The following OPA1 variants were observed in gnomAD, a reference collection of about 807,000 sequenced individuals.
The protein encoded by OPA1 is dynamin-like GTPase OPA1, mitochondrial.
Under a neutral mutation model 152.9 loss-of-function variants are expected in OPA1, and 59 were observed. That is an observed-to-expected ratio of 0.39 (90% CI 0.31 to 0.48). The LOEUF is 0.48. Among genes scored for constraint, OPA1 ranks in the 20% least tolerant of loss-of-function variants. OPA1 has a pLI of 0.96. For missense variants in OPA1, 1,008 were observed against 1,216.8 expected (o/e 0.83, Z 2.55); for synonymous variants, 400 against 389.9 (o/e 1.03, Z -0.31).
At chr3:193,651,196 G>T (rs1712348044) in intron 21 of OPA1, among the ~76,000 whole-genome samples, 1 of 152,148 alleles carries the variant, frequency 6.6e-6, no homozygotes. Context: ...GGTCACTGAA[G>T]AGGATTAGGT....
intron 1 of OPA1, among the ~76,000 whole-genome samples, chr3:193,606,009 A>T (rs1454502103): frequency 3.9e-5 from 6 of 152,114 alleles, no homozygotes; most frequent in Non-Finnish European, 8.8e-5. Context: ...TATTACGGGG[A>T]GCAATCCACT....
intron 28 of OPA1, 152 bp from the exon 29 acceptor site, chr3:193,667,018 T>C (rs1716714766): frequency 3.3e-6 from 2 of 604,242 alleles, no homozygotes; most frequent in Admixed American, 2.7e-5. Context: ...ATAAAACTAC[T>C]GTATAACAGA....
At chr3:193,626,700 T>A (rs992467166) in intron 7 of OPA1, among the ~76,000 whole-genome samples, 3 of 152,246 alleles carry the variant, frequency 2.0e-5, no homozygotes, top group African/African-American at 7.2e-5. Context: ...GGCAAAAGCA[T>A]GTAGTTCTTA....
chr3:193,629,361 TCTTAACA>T (rs1731707039), intron 7 of OPA1, among the ~76,000 whole-genome samples: 1 of 152,140 alleles, frequency 6.6e-6, no homozygotes, highest in Non-Finnish European at 1.5e-5. Flanking sequence ...TTTATAAACA[TCTTAACA>T]CTTGTGATCA....
intron 6 of OPA1, among the ~76,000 whole-genome samples, chr3:193,621,940 C>CT (rs1396045184): frequency 6.6e-6 from 1 of 152,204 alleles, no homozygotes; most frequent in East Asian, 1.9e-4. Flanking sequence ...AGTTCATTCC[C>CT]TTTTTTAGAT....
intron 27 of OPA1, 136 bp from the exon 28 acceptor site, chr3:193,666,160 C>T (rs1716493232): frequency 4.1e-6 from 3 of 736,554 alleles, no homozygotes; most frequent in South Asian, 1.5e-5. Flanking sequence ...CTTATATCTA[C>T]AGTATATGCA....
chr3:193,653,960 T>A (rs150419675), intron 21 of OPA1, among the ~76,000 whole-genome samples: 149 of 152,226 alleles, frequency 9.8e-4, no homozygotes, highest in African/African-American at 3.4e-3. Context: ...CTAGTGGAAA[T>A]GTAAACTGAG....
At position 193,666,345 on chromosome 3, in the gene OPA1, C is replaced by T; in HGVS notation, c.2828C>T (p.Ala943Val). 1.9e-6 allele frequency: 3 copies of T among 1,614,118 alleles called. No individual in the cohort carries two copies. Among genetic ancestry groups the T allele is most frequent in the Non-Finnish European group, 2.5e-6 (3 of 1,179,984 alleles). The change falls in exon 28 of 31, where the codon GCT becomes GTT. Residue 943 changes from alanine (A) to valine (V), a missense_variant. Ala to Val is a moderately conservative substitution (Grantham distance 64, BLOSUM62 0). Coordinates refer to ENST00000361510, the MANE Select transcript of OPA1 (RefSeq NM_130837.3). ...TTTTGGCGTATACAGCGCATGCTTG[C>T]TATCACCGCAAATACTTTAAGGCAA... ...VLFWRIQRML[A>V]ITANTLRQQL...
rs1021279658 is a variant in OPA1, at chr3:193,644,161, A to T, written c.1608+56A>T. 109 of 1,593,902 alleles carry T rather than the reference A, an allele frequency of 6.8e-5. 1 individual carries two copies. Among genetic ancestry groups the T allele is most frequent in the Non-Finnish European group, 8.2e-5 (95 of 1,163,590 alleles). ...ATTCTTTGTAAAAGCTCCAGCTGTG[A>T]TAGGGATTTGTTATTTAAAAAAACA... On this transcript the variant is annotated intron_variant, in intron 16 of 30. Coordinates refer to ENST00000361510, the MANE Select transcript of OPA1 (RefSeq NM_130837.3).
intron 29 of OPA1, among the ~76,000 whole-genome samples, chr3:193,689,637 T>G (rs1415416899): frequency 3.3e-5 from 5 of 152,172 alleles, no homozygotes; most frequent in African/African-American, 1.2e-4. Context: ...TAGTCTCTTG[T>G]AGGGAGTGAG....
intron 8 of OPA1, 67 bp from the exon 9 acceptor site, chr3:193,635,351 T>C (rs1732768441): frequency 3.1e-6 from 3 of 952,972 alleles, no homozygotes; most frequent in Non-Finnish European, 5.1e-6. Flanking sequence ...AAGATTTTAA[T>C]TTAGACTTAA....
At chr3:193,659,899 C>G (rs1714813675) in intron 25 of OPA1, among the ~76,000 whole-genome samples, 1 of 151,878 alleles carries the variant, frequency 6.6e-6, no homozygotes, top group Non-Finnish European at 1.5e-5. Context: ...TAATCACAAC[C>G]CTTTGGGAGG....
At chr3:193,633,061 A>G (rs1732351476) in intron 8 of OPA1, among the ~76,000 whole-genome samples, 1 of 151,656 alleles carries the variant, frequency 6.6e-6, no homozygotes, top group Non-Finnish European at 1.5e-5. Context: ...TTGAGTCTCA[A>G]ACCTCACTAT....
Position 193,643,327 on chromosome 3 carries a change from T to C in OPA1, c.1306-46T>C, listed in dbSNP as rs762357436. On this transcript the variant is annotated intron_variant, in intron 13 of 30. Transcript: ENST00000361510. Reference sequence around the variant, plus strand: ...TCACCAAAAAAAATTCTTGACAAATTCCCCCCAAACTTTAGCATTGTTTTA... The same window carrying C: ...TCACCAAAAAAAATTCTTGACAAATCCCCCCCAAACTTTAGCATTGTTTTA... 6.8e-6 allele frequency: 10 copies of C among 1,477,882 alleles called. No homozygotes were observed. The East Asian group carries it at 2.3e-4, about 33-fold the overall frequency. 91.5% of individuals were successfully genotyped at this position (1,477,882 alleles called of 1,614,324 possible).
chr3:193,615,496 G>A (rs926582121), intron 2 of OPA1, among the ~76,000 whole-genome samples, 178 bp from the exon 3 acceptor site: 4 of 152,222 alleles, frequency 2.6e-5, no homozygotes, highest in African/African-American at 9.6e-5. Flanking sequence ...ATATTTAACA[G>A]AGGAGTGTTA....
intron 29 of OPA1, among the ~76,000 whole-genome samples, chr3:193,684,900 G>A (rs996452753): frequency 6.6e-6 from 1 of 152,054 alleles, no homozygotes; most frequent in African/African-American, 2.4e-5. Context: ...AGCCTTTTGG[G>A]GAATAGGCCT....
chr3:193,655,013 A>G lies in OPA1; in HGVS notation c.2164A>G (p.Asn722Asp), dbSNP rs778601778. The change falls in exon 22 of 31, where the codon AAT becomes GAT. Residue 722 changes from asparagine (N) to aspartate (D), a missense_variant. This residue lies in a region of OPA1 where 229 missense variants were observed against 269.0 expected (regional missense o/e 0.85). Coordinates refer to ENST00000361510, the MANE Select transcript of OPA1 (RefSeq NM_130837.3). Reference sequence around the variant, plus strand: ...ACAGTGGACTGATAAACAACTTCCTAATAAAGCAGTAGAGGTTAGGATATA... The same window carrying G: ...ACAGTGGACTGATAAACAACTTCCTGATAAAGCAGTAGAGGTTAGGATATA... Reference protein sequence around the residue: ...LKQWTDKQLPNKAVEVAWETL... With the variant: ...LKQWTDKQLPDKAVEVAWETL... 6.2e-7 allele frequency: 1 copy of G among 1,613,830 alleles called. No homozygotes were observed. Among genetic ancestry groups the G allele is most frequent in the Non-Finnish European group, 8.5e-7 (1 of 1,179,846 alleles).
At chr3:193,603,062 C>A (rs1404613351) in intron 1 of OPA1, among the ~76,000 whole-genome samples, 1 of 152,148 alleles carries the variant, frequency 6.6e-6, no homozygotes, top group African/African-American at 2.4e-5. Flanking sequence ...ATGAGTTTGA[C>A]AAGTCAAACA....
intron 29 of OPA1, among the ~76,000 whole-genome samples, chr3:193,690,690 A>G (rs1015168969): frequency 7.9e-5 from 12 of 152,250 alleles, no homozygotes; most frequent in Middle Eastern, 3.4e-3. Flanking sequence ...AAAGGAATAC[A>G]TGTATCTTCA....
Sources: gnomAD v4.1 joint callset for allele counts (sites outside exome capture counted in the v4.1 genomes callset) on GRCh38, gnomAD v4.1.1 for gene constraint, gnomAD v4.1.1 regional missense constraint, MANE v1.5 for transcripts, NCBI Gene and HGNC (gene_info 2026-07-23, HGNC 2026-07-21) for gene names.